Variants in TUSC3 observed in about 807,000 individuals in gnomAD.
TUSC3 encodes the protein dolichyl-diphosphooligosaccharide--protein glycosyltransferase subunit TUSC3.
Under a neutral mutation model 44.8 loss-of-function variants are expected in TUSC3, and 45 were observed. That is an observed-to-expected ratio of 1.00 (90% CI 0.79 to 1.29). TUSC3 has a LOEUF of 1.29. TUSC3 is among the 50% of genes most tolerant of loss of function. The probability of loss-of-function intolerance (pLI) is 0.00; values close to 1 mark genes in which losing one functional copy is unlikely to be tolerated. For missense variants in TUSC3, 519 were observed against 437.9 expected (o/e 1.19, Z -1.65); for synonymous variants, 212 against 152.9 (o/e 1.39, Z -2.85).
the TUSC3 span, among the ~76,000 whole-genome samples, chr8:15,804,109 C>G: frequency 6.6e-6 from 1 of 152,100 alleles, no homozygotes; most frequent in East Asian, 1.9e-4. Flanking sequence ...GTTCTAGATC[C>G]TTCAGGAATC....
At chr8:15,813,789 G>C in the TUSC3 span, among the ~76,000 whole-genome samples, 1 of 151,830 alleles carries the variant, frequency 6.6e-6, no homozygotes, top group African/African-American at 2.4e-5. Context: ...TAGCCATTCA[G>C]TGTCATTCTT....
At chr8:15,577,800 C>T (rs1803174073) in intron 1 of TUSC3, among the ~76,000 whole-genome samples, 1 of 146,522 alleles carries the variant, frequency 6.8e-6, no homozygotes, top group Non-Finnish European at 1.5e-5. Context: ...GATGCGGGCT[C>T]TTTTTTGGTT....
chr8:15,665,826 GCTTT>G (rs1308142899), intron 5 of TUSC3, among the ~76,000 whole-genome samples: 1 of 151,182 alleles, frequency 6.6e-6, no homozygotes, highest in Non-Finnish European at 1.5e-5. Context: ...CTGGTCTCAT[GCTTT>G]CTAAGGGGGA....
chr8:15,792,567 AT>A, the TUSC3 span, among the ~76,000 whole-genome samples: 1 of 151,934 alleles, frequency 6.6e-6, no homozygotes, highest in African/African-American at 2.4e-5. Flanking sequence ...ATCATACTGC[AT>A]TTTTCTAGTC....
chr8:15,569,061 A>G (rs1156400746), intron 1 of TUSC3, among the ~76,000 whole-genome samples: 1 of 152,130 alleles, frequency 6.6e-6, no homozygotes, highest in East Asian at 1.9e-4. Flanking sequence ...CTTGTTATAT[A>G]TTAAATGATC....
Position 15,764,190 on chromosome 8 carries a change from C to G in TUSC3, c.*47-13C>G, listed in dbSNP as rs1812262586. 6.2e-7 allele frequency: 1 copy of G among 1,600,796 alleles called. No individual in the cohort carries two copies. The highest frequency in any genetic ancestry group is 8.5e-7 in the Non-Finnish European group (1 of 1,169,690). On this transcript the variant is annotated splice_polypyrimidine_tract_variant and intron_variant, in intron 10 of 10. Transcript: ENST00000503731. The stretch of plus-strand genomic sequence containing the variant: ...TCTATGTTCAGCACATAATAATTTT[C>G]TTTCTTTTTCAGCTTTTTAATTAAA...
intron 6 of TUSC3, among the ~76,000 whole-genome samples, chr8:15,689,821 GGTGTGTGTGT>G (rs71543657): frequency 0.088 from 11,465 of 131,002 alleles, 565 homozygotes; most frequent in East Asian, 0.21. Context: ...AATAGTCCAT[GGTGTGTGTGT>G]GTGTGTGTGT....
intron 1 of TUSC3, among the ~76,000 whole-genome samples, chr8:15,606,066 A>G (rs545982391): frequency 2.0e-5 from 3 of 152,102 alleles, no homozygotes; most frequent in South Asian, 2.1e-4. Context: ...GAATAACACC[A>G]TGGGACGCAA....
intron 1 of TUSC3, among the ~76,000 whole-genome samples, chr8:15,600,502 T>G (rs112317949): frequency 9.9e-5 from 15 of 151,748 alleles, no homozygotes; most frequent in African/African-American, 3.4e-4. Context: ...TACATTTTTA[T>G]CATTATTGTG....
chr8:15,556,341 T>G (rs905423110), intron 1 of TUSC3, among the ~76,000 whole-genome samples: 1 of 150,760 alleles, frequency 6.6e-6, no homozygotes, highest in Non-Finnish European at 1.5e-5. Flanking sequence ...ACTCATCATT[T>G]TTTATGGCTG....
At chr8:15,732,360 AG>A (rs942111483) in intron 7 of TUSC3, among the ~76,000 whole-genome samples, 2 of 152,156 alleles carry the variant, frequency 1.3e-5, no homozygotes, top group Non-Finnish European at 2.9e-5. Flanking sequence ...GGTATTATAA[AG>A]GGGCATTCCC....
intron 6 of TUSC3, among the ~76,000 whole-genome samples, chr8:15,704,016 AG>A (rs1809512019): frequency 6.6e-6 from 1 of 152,152 alleles, no homozygotes; most frequent in African/African-American, 2.4e-5. Context: ...CTTTTATTTT[AG>A]CCAGGGGACA....
At chr8:15,728,916 A>T (rs550553544) in intron 6 of TUSC3, among the ~76,000 whole-genome samples, 1 of 152,252 alleles carries the variant, frequency 6.6e-6, no homozygotes, top group South Asian at 2.1e-4. Context: ...AAAATATTAA[A>T]GAGAATGAGT....
chr8:15,590,339 C>G (rs1371033750), intron 1 of TUSC3, among the ~76,000 whole-genome samples: 1 of 152,066 alleles, frequency 6.6e-6, no homozygotes, highest in Non-Finnish European at 1.5e-5. Flanking sequence ...ATGGCAAAGT[C>G]AAACCCAGGC....
chr8:15,455,435 A>ATATGTATACACACC (rs6150478), intron 1 of TUSC3, among the ~76,000 whole-genome samples: 1 of 151,536 alleles, frequency 6.6e-6, no homozygotes, highest in Non-Finnish European at 1.5e-5. Flanking sequence ...GTATACACGT[A>ATATGTATACACACC]TATGTATACA....
intron 2 of TUSC3, among the ~76,000 whole-genome samples, chr8:15,504,460 A>G (rs562072129): frequency 6.6e-6 from 1 of 151,512 alleles, no homozygotes; most frequent in South Asian, 2.1e-4. Flanking sequence ...TATCATTAAC[A>G]TCAGTTCATT....
intron 2 of TUSC3, among the ~76,000 whole-genome samples, chr8:15,501,369 T>C (rs770431859): frequency 6.6e-5 from 10 of 152,156 alleles, no homozygotes; most frequent in Non-Finnish European, 1.2e-4. Flanking sequence ...GATGCACACA[T>C]GGTACTTTCG....
chr8:15,441,039 G>A (rs1800014228), intron 1 of TUSC3, among the ~76,000 whole-genome samples: 1 of 152,164 alleles, frequency 6.6e-6, no homozygotes, highest in Non-Finnish European at 1.5e-5. Flanking sequence ...TTTTGTTTAA[G>A]CTAATTTAAG....
intron 1 of TUSC3, among the ~76,000 whole-genome samples, chr8:15,586,983 G>A (rs971944047): frequency 2.0e-5 from 3 of 152,120 alleles, no homozygotes; most frequent in African/African-American, 7.2e-5. Flanking sequence ...GAGAACTGCT[G>A]GTTGGGGGAT....
Sources: gnomAD v4.1 joint callset for allele counts (sites outside exome capture counted in the v4.1 genomes callset) on GRCh38, gnomAD v4.1.1 for gene constraint, MANE v1.5 for transcripts, NCBI Gene and HGNC (gene_info 2026-07-23, HGNC 2026-07-21) for gene names.